The following EBF2 variants were observed in gnomAD, a reference collection of about 807,000 sequenced individuals.
EBF2 encodes the protein transcription factor COE2.
EBF2 carries 21 observed loss-of-function variants against 72.8 expected under a neutral mutation model. That is an observed-to-expected ratio of 0.29 (90% CI 0.20 to 0.42). The LOEUF (loss-of-function observed/expected upper bound fraction) is 0.42. Among genes scored for constraint, EBF2 ranks in the 10% least tolerant of loss-of-function variants. EBF2 has a pLI of 1.00. For synonymous variants in EBF2, 299 were observed against 274.2 expected (o/e 1.09, Z -0.89); for missense variants, 637 against 731.2 (o/e 0.87, Z 1.49).
chr8:25,887,217 C>T (rs1213376979), intron 9 of EBF2, among the ~76,000 whole-genome samples: 1 of 151,994 alleles, frequency 6.6e-6, no homozygotes, highest in Non-Finnish European at 1.5e-5. Context: ...CCTACAAGCC[C>T]AGGCCAAGTC....
At chr8:26,030,859 C>T (rs1026946519) in intron 6 of EBF2, among the ~76,000 whole-genome samples, 5 of 152,196 alleles carry the variant, frequency 3.3e-5, no homozygotes, top group Non-Finnish European at 7.3e-5. Context: ...TTAAAGCATG[C>T]TAGCACAAAC....
intron 14 of EBF2, among the ~76,000 whole-genome samples, chr8:25,854,028 C>CTT (rs1227416395): frequency 6.6e-6 from 1 of 152,024 alleles, no homozygotes; most frequent in Non-Finnish European, 1.5e-5. Context: ...CTACAACAAA[C>CTT]TTGTATTACT....
At chr8:25,894,891 G>A (rs567097351) in intron 7 of EBF2, among the ~76,000 whole-genome samples, 72 of 152,224 alleles carry the variant, frequency 4.7e-4, no homozygotes, top group African/African-American at 1.7e-3. Context: ...ACTGAAAATC[G>A]CCAGCATTAT....
At chr8:25,917,196 G>GC (rs1176470880) in intron 6 of EBF2, among the ~76,000 whole-genome samples, 1 of 102,484 alleles carries the variant, frequency 9.8e-6, no homozygotes, top group East Asian at 3.7e-4. Context: ...TTTGTGGTTT[G>GC]GGGTTTTTTT....
chr8:25,954,205 A>G (rs1268932194), intron 6 of EBF2, among the ~76,000 whole-genome samples: 1 of 152,214 alleles, frequency 6.6e-6, no homozygotes, highest in African/African-American at 2.4e-5. Context: ...GTGTCTCAAA[A>G]TAGTTCAGGC....
chr8:25,944,314 T>A (rs114256860), intron 6 of EBF2, among the ~76,000 whole-genome samples: 125 of 152,276 alleles, frequency 8.2e-4, no homozygotes, highest in African/African-American at 3.0e-3. Flanking sequence ...TCTAGACTTG[T>A]AAGAGCATCT....
chr8:25,896,858 T>C (rs1802870592), intron 7 of EBF2, among the ~76,000 whole-genome samples: 1 of 152,236 alleles, frequency 6.6e-6, no homozygotes, highest in Admixed American at 6.5e-5. Context: ...ACAAATGGGC[T>C]ACTGCAGTTT....
intron 6 of EBF2, among the ~76,000 whole-genome samples, chr8:26,006,020 C>T (rs1323009239): frequency 6.6e-6 from 1 of 151,958 alleles, no homozygotes; most frequent in African/African-American, 2.4e-5. Context: ...GCCCTTTCTG[C>T]AGAACAAACA....
intron 6 of EBF2, among the ~76,000 whole-genome samples, chr8:25,933,430 A>AGGT (rs1420346550): frequency 2.0e-5 from 3 of 152,198 alleles, no homozygotes; most frequent in Non-Finnish European, 1.5e-5. Context: ...GGGGACACAC[A>AGGT]GGAATATGCC....
chr8:26,018,266 G>C (rs1460842042), intron 6 of EBF2, among the ~76,000 whole-genome samples: 1 of 151,176 alleles, frequency 6.6e-6, no homozygotes, highest in Admixed American at 6.6e-5. Flanking sequence ...GCCAGAGGGA[G>C]GAGAGACAGA....
At chr8:26,032,587 A>G (rs773919733) in intron 6 of EBF2, 8 of 152,894 alleles carry the variant, frequency 5.2e-5, no homozygotes, top group Non-Finnish European at 1.2e-4. Flanking sequence ...TCCCATTCTG[A>G]ATATAACATA....
In EBF2 at chr8:26,040,631, G is replaced by A. The variant is rs1373238951; in HGVS notation, c.393C>T (p.Asp131=). 6.4e-7 allele frequency: 1 copy of A among 1,554,152 alleles called. No individual in the cohort carries two copies. The highest frequency in any genetic ancestry group is 2.4e-5 in the East Asian group (1 of 41,182). Residue 131 remains aspartate, a synonymous_variant, in exon 4 of 16, where the codon GAC becomes GAT. Coordinates refer to ENST00000520164, the MANE Select transcript of EBF2 (RefSeq NM_022659.4). The part of the protein sequence containing the change: ...TEQDLYVRLI[D]SVTKQPIAYE... ...TCCGGCTCACCTGCTTGGTGACCGA[G>A]TCGATGAGCCTGACATAGAGGTCCT...
At chr8:26,012,415 T>C (rs953581517) in intron 6 of EBF2, among the ~76,000 whole-genome samples, 1 of 152,122 alleles carries the variant, frequency 6.6e-6, no homozygotes, top group African/African-American at 2.4e-5. Context: ...GCTGGAGAAA[T>C]ATGCCTTAAC....
At chr8:25,907,652 G>C (rs1345455716) in intron 7 of EBF2, among the ~76,000 whole-genome samples, 2 of 151,926 alleles carry the variant, frequency 1.3e-5, no homozygotes, top group Non-Finnish European at 2.9e-5. Context: ...CGAAACATGA[G>C]GCTAAGGTTC....
intron 6 of EBF2, among the ~76,000 whole-genome samples, chr8:25,909,658 T>C (rs1450594969): frequency 6.6e-6 from 1 of 152,236 alleles, no homozygotes; most frequent in Non-Finnish European, 1.5e-5. Flanking sequence ...TGAAATGTTC[T>C]CATTGCGACG....
At chr8:26,039,268 C>T (rs1016655607) in intron 5 of EBF2, among the ~76,000 whole-genome samples, 16 of 151,870 alleles carry the variant, frequency 1.1e-4, no homozygotes, top group African/African-American at 2.9e-4. Context: ...GGGGGGAATG[C>T]ACAGGACTCA....
At chr8:25,855,274 G>A (rs779971391) in intron 14 of EBF2, among the ~76,000 whole-genome samples, 4 of 152,104 alleles carry the variant, frequency 2.6e-5, no homozygotes, top group Non-Finnish European at 5.9e-5. Context: ...GAGCTAAGGG[G>A]TCTGTCAGCA....
chr8:26,030,299 C>T (rs1250193126), intron 6 of EBF2, among the ~76,000 whole-genome samples: 1 of 152,068 alleles, frequency 6.6e-6, no homozygotes, highest in Non-Finnish European at 1.5e-5. Context: ...GGAGAACATG[C>T]AGTGTTTCGT....
chr8:25,898,347 T>G (rs1402850733), intron 7 of EBF2, among the ~76,000 whole-genome samples: 1 of 152,136 alleles, frequency 6.6e-6, no homozygotes, highest in Non-Finnish European at 1.5e-5. Flanking sequence ...GGAAGTAGTA[T>G]GCCCAAGAGC....
Sources: gnomAD v4.1 joint callset for allele counts (sites outside exome capture counted in the v4.1 genomes callset) on GRCh38, gnomAD v4.1.1 for gene constraint, MANE v1.5 for transcripts, NCBI Gene and HGNC (gene_info 2026-07-23, HGNC 2026-07-21) for gene names.